Variants in DCLK2 observed in about 807,000 individuals in gnomAD.
The protein encoded by DCLK2 is serine/threonine-protein kinase DCLK2.
Under a neutral mutation model 78.4 loss-of-function variants are expected in DCLK2, and 31 were observed. The ratio of observed to expected loss-of-function variants is 0.40; its 90% CI spans 0.30 to 0.53. The LOEUF is 0.53. Among genes scored for constraint, DCLK2 ranks in the 20% least tolerant of loss-of-function variants. The pLI, the probability that DCLK2 is intolerant of heterozygous loss-of-function variation, is 0.61. For missense variants in DCLK2, 872 were observed against 973.7 expected, an observed-to-expected ratio of 0.90 and a Z score of 1.39; for synonymous variants, 407 against 374.9, an observed-to-expected ratio of 1.09 and a Z score of -0.99.
chr4:150,171,467 C>T (rs1232055992), intron 2 of DCLK2, among the ~76,000 whole-genome samples: 1 of 151,998 alleles, frequency 6.6e-6, no homozygotes, highest in African/African-American at 2.4e-5. Context: ...GGCGACAGAG[C>T]GAGACTCCGT....
chr4:150,091,699 A>C (rs531347671), intron 1 of DCLK2, among the ~76,000 whole-genome samples: 64 of 152,190 alleles, frequency 4.2e-4, no homozygotes, highest in African/African-American at 1.5e-3. Context: ...AAAGTAGCCT[A>C]AAACTGCTAT....
intron 2 of DCLK2, among the ~76,000 whole-genome samples, chr4:150,123,170 G>A (rs1219647944): frequency 6.6e-6 from 1 of 152,134 alleles, no homozygotes; most frequent in Non-Finnish European, 1.5e-5. Flanking sequence ...ACTGTTTGGG[G>A]GAAGAAGCCT....
chr4:150,240,499 T>G, intron 12 of DCLK2, 23 bp downstream of exon 12: 1 of 1,605,284 alleles, frequency 6.2e-7, no homozygotes, highest in Non-Finnish European at 8.5e-7. Flanking sequence ...TTGGGCGACG[T>G]ATTTGAATTG....
chr4:150,151,508 CAGGAAAGTAGCAT>C (rs1158871322), intron 2 of DCLK2, among the ~76,000 whole-genome samples: 2 of 152,202 alleles, frequency 1.3e-5, no homozygotes, highest in East Asian at 3.8e-4. Flanking sequence ...TTTGGAAGTC[CAGGAAAGTAGCAT>C]TTTGAATGCT....
chr4:150,163,750 A>G (rs1249896175), intron 2 of DCLK2, among the ~76,000 whole-genome samples: 2 of 152,220 alleles, frequency 1.3e-5, no homozygotes, highest in Non-Finnish European at 2.9e-5. Context: ...TAGGCACTTA[A>G]TTTGTATCAC....
chr4:150,137,450 T>C (rs1733776901), intron 2 of DCLK2, among the ~76,000 whole-genome samples: 1 of 152,058 alleles, frequency 6.6e-6, no homozygotes, highest in East Asian at 1.9e-4. Flanking sequence ...GAGACAAGGG[T>C]TGATGAAATC....
chr4:150,184,186 A>G (rs569840291), intron 2 of DCLK2, among the ~76,000 whole-genome samples: 1 of 152,366 alleles, frequency 6.6e-6, no homozygotes, highest in East Asian at 1.9e-4. Flanking sequence ...CCAGGCAGTT[A>G]ACCTCAATGA....
chr4:150,249,146 A>AT lies in DCLK2; in HGVS notation c.1957-413dup, dbSNP rs559579587. ...TTGGACCAAGTAGCTAAGATACCAC[A>AT]TTTTTTTTTATTATAAGCAATAAAG... On this transcript the variant is annotated intron_variant, in intron 14 of 15. Coordinates refer to ENST00000296550, the MANE Select transcript of DCLK2 (RefSeq NM_001040260.4). Among the ~76,000 whole-genome samples, 19 of 151,210 alleles carry AT rather than the reference A, an allele frequency of 1.3e-4. No homozygotes were observed. The South Asian group carries it at 1.9e-3, about 15-fold the overall frequency.
chr4:150,106,834 A>G (rs578177067), intron 2 of DCLK2, among the ~76,000 whole-genome samples: 2 of 152,338 alleles, frequency 1.3e-5, no homozygotes, highest in East Asian at 1.9e-4. Context: ...GCCACTAGCA[A>G]TGACTCCATT....
chr4:150,221,621 G>A (rs1468660956), intron 6 of DCLK2, 56 bp from the exon 7 acceptor site: 2 of 1,080,256 alleles, frequency 1.9e-6, no homozygotes, highest in East Asian at 2.7e-5. Flanking sequence ...AAATATGTAG[G>A]AATCTGTATA....
chr4:150,217,446 A>G (rs1176667341), intron 5 of DCLK2, among the ~76,000 whole-genome samples: 1 of 152,230 alleles, frequency 6.6e-6, no homozygotes, highest in Non-Finnish European at 1.5e-5. Context: ...GAGCGATTCA[A>G]ACACAAGCTC....
rs1742150843 is a variant in DCLK2 at position 150,232,475 on chromosome 4, T to C, written c.1419+19T>C. On this transcript the variant is annotated intron_variant, in intron 9 of 15. Coordinates refer to ENST00000296550, the MANE Select transcript of DCLK2 (RefSeq NM_001040260.4). ...GGTCAAAGTAAGAGGATAGAGAGATTTTCTTGGTGCCTAGTCCCACAATTT... is the reference window on the plus strand; with the variant it reads ...GGTCAAAGTAAGAGGATAGAGAGATCTTCTTGGTGCCTAGTCCCACAATTT... 4 of 1,611,632 alleles carry C rather than the reference T, an allele frequency of 2.5e-6. No homozygotes were observed. The highest frequency in any genetic ancestry group is 1.6e-4 in the Middle Eastern group (1 of 6,078).
intron 5 of DCLK2, 97 bp from the exon 6 acceptor site, chr4:150,220,606 C>T: frequency 2.0e-6 from 2 of 1,001,198 alleles, no homozygotes; most frequent in Admixed American, 2.1e-5. Flanking sequence ...TTCTGTGACA[C>T]ATTTTTACAT....
At chr4:150,152,907 G>A (rs1042247232) in intron 2 of DCLK2, among the ~76,000 whole-genome samples, 1 of 152,134 alleles carries the variant, frequency 6.6e-6, no homozygotes, top group Non-Finnish European at 1.5e-5. Flanking sequence ...TTGTGAGTAC[G>A]AACAGCTGAA....
At chr4:150,118,899 C>T (rs1732306832) in intron 2 of DCLK2, among the ~76,000 whole-genome samples, 1 of 152,100 alleles carries the variant, frequency 6.6e-6, no homozygotes, top group Non-Finnish European at 1.5e-5. Context: ...TGGTGGACAC[C>T]TGTAATTCTC....
At chr4:150,098,774 C>T (rs1730662392) in intron 1 of DCLK2, among the ~76,000 whole-genome samples, 1 of 149,814 alleles carries the variant, frequency 6.7e-6, no homozygotes, top group South Asian at 2.1e-4. Context: ...TGGCTAACTG[C>T]AATCTCTGCC....
chr4:150,147,096 C>A (rs1310095512), intron 2 of DCLK2, among the ~76,000 whole-genome samples: 1 of 150,932 alleles, frequency 6.6e-6, no homozygotes, highest in Admixed American at 6.6e-5. Flanking sequence ...CCAGTCTGGG[C>A]AACATAGTGA....
At chr4:150,234,436 C>G (rs1359698296) in intron 10 of DCLK2, among the ~76,000 whole-genome samples, 1 of 152,212 alleles carries the variant, frequency 6.6e-6, no homozygotes, top group Non-Finnish European at 1.5e-5. Context: ...GTATTGCTCA[C>G]TGACCACTGA....
At chr4:150,129,311 G>A (rs548208958) in intron 2 of DCLK2, among the ~76,000 whole-genome samples, 21 of 152,196 alleles carry the variant, frequency 1.4e-4, no homozygotes, top group African/African-American at 5.1e-4. Flanking sequence ...GGTCATGACA[G>A]TCTTATGACA....
Sources: gnomAD v4.1 joint callset for allele counts (sites outside exome capture counted in the v4.1 genomes callset) on GRCh38, gnomAD v4.1.1 for gene constraint, MANE v1.5 for transcripts, NCBI Gene and HGNC (gene_info 2026-07-23, HGNC 2026-07-21) for gene names.